The following PDSS2 variants were observed in gnomAD, a reference collection of about 807,000 sequenced individuals.
PDSS2 encodes decaprenyl diphosphate synthase subunit 2, also known as all trans-polyprenyl-diphosphate synthase PDSS2.
In PDSS2, 31 loss-of-function variants were observed where a neutral mutation model predicts 44.5. The observed-to-expected ratio is 0.70, with a 90% CI of 0.52 to 0.94. The LOEUF (loss-of-function observed/expected upper bound fraction) is 0.94, where lower values mean the gene tolerates loss of function less well. PDSS2 is among the 40% of genes least tolerant of loss of function. The pLI is 0.00. For missense variants in PDSS2, 452 were observed against 482.2 expected (o/e 0.94, Z 0.59); for synonymous variants, 157 against 180.3 (o/e 0.87, Z 1.03).
At chr6:107,214,130 GTC>G (rs1773326813) in intron 4 of PDSS2, among the ~76,000 whole-genome samples, 2 of 148,432 alleles carry the variant, frequency 1.3e-5, no homozygotes, top group South Asian at 2.1e-4. Context: ...TTGAGATGGA[GTC>G]TCTCTGTGTC....
intron 1 of PDSS2, among the ~76,000 whole-genome samples, chr6:107,456,322 AAAAT>A (rs1411326370): frequency 6.6e-6 from 1 of 152,238 alleles, no homozygotes; most frequent in Non-Finnish European, 1.5e-5. Flanking sequence ...ACTCTGTCTG[AAAAT>A]AAATAAACAA....
At chr6:107,413,850 T>C (rs1331368628) in intron 1 of PDSS2, among the ~76,000 whole-genome samples, 1 of 152,044 alleles carries the variant, frequency 6.6e-6, no homozygotes, top group Non-Finnish European at 1.5e-5. Context: ...GAAAAGAGGA[T>C]AGGTAGGTGA....
At chr6:107,458,027 T>C (rs1782102327) in intron 1 of PDSS2, among the ~76,000 whole-genome samples, 1 of 152,204 alleles carries the variant, frequency 6.6e-6, no homozygotes, top group Admixed American at 6.5e-5. Context: ...TATCTGTGTG[T>C]ATATGTATTT....
intron 2 of PDSS2, among the ~76,000 whole-genome samples, chr6:107,288,883 C>T (rs562363622): frequency 8.6e-5 from 13 of 150,360 alleles, no homozygotes; most frequent in South Asian, 2.1e-4. Context: ...CTCAGCCTCC[C>T]GAGTAGCTGG....
chr6:107,411,210 C>T (rs954579165), intron 1 of PDSS2, among the ~76,000 whole-genome samples: 2 of 152,090 alleles, frequency 1.3e-5, no homozygotes, highest in African/African-American at 4.8e-5. Flanking sequence ...TAATGAGTCT[C>T]GTGGATGAGA....
intron 7 of PDSS2, among the ~76,000 whole-genome samples, chr6:107,155,942 T>C (rs1366743604): frequency 1.6e-5 from 2 of 127,758 alleles, no homozygotes; most frequent in African/African-American, 6.0e-5. Flanking sequence ...CAGGCTGGAG[T>C]GCAGTGGCAT....
intron 2 of PDSS2, among the ~76,000 whole-genome samples, chr6:107,308,550 T>G (rs1478782179): frequency 1.3e-5 from 2 of 152,152 alleles, no homozygotes; most frequent in Non-Finnish European, 2.9e-5. Flanking sequence ...AGTACATAAG[T>G]GTAAACTGAA....
intron 4 of PDSS2, among the ~76,000 whole-genome samples, chr6:107,216,438 A>C (rs1773415143): frequency 6.6e-6 from 1 of 152,136 alleles, no homozygotes; most frequent in South Asian, 2.1e-4. Context: ...GCGCCACTGC[A>C]CTCTAACCTG....
intron 2 of PDSS2, among the ~76,000 whole-genome samples, chr6:107,323,711 C>A (rs1366971602): frequency 6.6e-6 from 1 of 152,150 alleles, no homozygotes; most frequent in Non-Finnish European, 1.5e-5. Context: ...CAACTTCTAT[C>A]ACATGATGAA....
At position 107,216,910 on chromosome 6, in the gene PDSS2, A is replaced by G. The variant is rs140655019; in HGVS notation, c.703-4628T>C. Among the ~76,000 whole-genome samples the G allele has an allele frequency of 1.4e-4, 22 of 152,350 alleles. No homozygotes were observed. The East Asian group carries it at 3.9e-3, about 27-fold the overall frequency. On this transcript the variant is annotated intron_variant, in intron 4 of 7. Transcript: ENST00000369037. The stretch of plus-strand genomic sequence containing the variant: ...ATAGAGAGACAGACTAGGGAGCAAA[A>G]TAGAAAGTCCAGAAAGCAACCAAAC...
intron 4 of PDSS2, among the ~76,000 whole-genome samples, chr6:107,214,512 A>G (rs1261919611): frequency 6.6e-6 from 1 of 152,224 alleles, no homozygotes; most frequent in African/African-American, 2.4e-5. Context: ...GGAATGCTGA[A>G]GCAAACATAT....
At chr6:107,254,035 C>CTTT (rs72372732) in intron 3 of PDSS2, among the ~76,000 whole-genome samples, 7 of 132,442 alleles carry the variant, frequency 5.3e-5, no homozygotes, top group East Asian at 3.1e-4. Flanking sequence ...TTCTTTCTTT[C>CTTT]TTTTTTTTTT....
chr6:107,190,960 C>T (rs1301173389), intron 7 of PDSS2, among the ~76,000 whole-genome samples: 1 of 152,028 alleles, frequency 6.6e-6, no homozygotes, highest in Non-Finnish European at 1.5e-5. Flanking sequence ...GGCGTGATCT[C>T]GGCTCACTGC....
intron 1 of PDSS2, among the ~76,000 whole-genome samples, chr6:107,404,933 A>C (rs1780263446): frequency 6.6e-6 from 1 of 152,170 alleles, no homozygotes; most frequent in African/African-American, 2.4e-5. Flanking sequence ...AGGCTCAACA[A>C]ATTCCAAGCA....
intron 1 of PDSS2, among the ~76,000 whole-genome samples, chr6:107,424,924 C>T (rs568013166): frequency 1.6e-4 from 25 of 152,272 alleles, no homozygotes; most frequent in African/African-American, 4.1e-4. Context: ...TCCCATGTGC[C>T]GTGGGAGGAA....
intron 2 of PDSS2, among the ~76,000 whole-genome samples, chr6:107,280,140 A>G (rs1373095107): frequency 6.6e-6 from 1 of 152,054 alleles, no homozygotes. Flanking sequence ...GCTCACTGCA[A>G]CCTCTGCCTC....
chr6:107,349,997 C>G (rs1205825858), intron 1 of PDSS2, among the ~76,000 whole-genome samples: 1 of 152,202 alleles, frequency 6.6e-6, no homozygotes, highest in Non-Finnish European at 1.5e-5. Flanking sequence ...CCCTGACTTT[C>G]ATGGCCTTTA....
At chr6:107,272,347 G>A (rs1224226212) in intron 3 of PDSS2, among the ~76,000 whole-genome samples, 5 of 152,104 alleles carry the variant, frequency 3.3e-5, no homozygotes, top group African/African-American at 1.2e-4. Context: ...AGCAAACTAG[G>A]ATGTACACTG....
At chr6:107,443,882 TA>T (rs1228787469) in intron 1 of PDSS2, among the ~76,000 whole-genome samples, 4 of 152,204 alleles carry the variant, frequency 2.6e-5, no homozygotes, top group African/African-American at 9.6e-5. Context: ...TATCTCAAGG[TA>T]CTGTGTATGT....
Sources: allele counts gnomAD v4.1 joint callset (sites outside exome capture counted in the v4.1 genomes callset), GRCh38; gene constraint gnomAD v4.1.1; transcripts MANE v1.5; gene names NCBI Gene and HGNC (gene_info 2026-07-23, HGNC 2026-07-21).